Variants in GRM5 observed in about 807,000 individuals in gnomAD.
GRM5 encodes the protein glutamate metabotropic receptor 5.
A neutral mutation model predicts 83.1 loss-of-function variants in GRM5; 19 were observed. That is an observed-to-expected ratio of 0.23 (90% CI 0.16 to 0.34). GRM5 has a LOEUF of 0.34. GRM5 is among the 10% of genes least tolerant of loss of function. The pLI, the probability that GRM5 is intolerant of heterozygous loss-of-function variation, is 1.00. For missense variants in GRM5, 1,160 were observed against 1,588.3 expected, an observed-to-expected ratio of 0.73 and a Z score of 4.58; for synonymous variants, 675 against 633.6, an observed-to-expected ratio of 1.07 and a Z score of -0.98.
chr11:88,643,149 G>A (rs1591404661), intron 4 of GRM5, among the ~76,000 whole-genome samples: 3 of 152,216 alleles, frequency 2.0e-5, no homozygotes, highest in Admixed American at 2.0e-4. Context: ...CATAGCGCTG[G>A]CACCTGCTGC....
intron 3 of GRM5, among the ~76,000 whole-genome samples, chr11:88,830,563 G>C (rs1943971258): frequency 6.6e-6 from 1 of 152,320 alleles, no homozygotes; most frequent in East Asian, 1.9e-4. Context: ...AGCCAGGAGA[G>C]ACTTCCCAAT....
In GRM5 at chr11:88,815,093, T is replaced by C. The variant is rs922468867; in HGVS notation, c.911+34813A>G. ...CTCAACAAGGGCTAACTGAAATTTATAGAATATTCCACCAAACAATGGCAG... is the reference window on the plus strand; with the variant it reads ...CTCAACAAGGGCTAACTGAAATTTACAGAATATTCCACCAAACAATGGCAG... On this transcript the variant is annotated intron_variant, in intron 3 of 9. Coordinates refer to ENST00000305447, the MANE Select transcript of GRM5 (RefSeq NM_001143831.3). Among the ~76,000 whole-genome samples the C allele has an allele frequency of 6.6e-5, 10 of 152,320 alleles. No homozygotes were observed. In the East Asian group the frequency reaches 1.9e-3, roughly 29 times the overall value.
Position 89,047,965 on chromosome 11 carries a change from G to A in GRM5, c.-93C>T. On this transcript the variant is annotated 5_prime_UTR_variant, in exon 2 of 10. Coordinates refer to ENST00000305447, the MANE Select transcript of GRM5 (RefSeq NM_001143831.3). This position sits in a 1 kb window ranked among gnomAD's most constrained non-coding sequence, Gnocchi z 5.1. The stretch of plus-strand genomic sequence containing the variant: ...ACGAACAAGCGATGTCCTACGTTGA[G>A]TCGCAAATCAAGAAATTAGCCAGCA... The A allele has an allele frequency of 1.2e-5, 11 of 890,100 alleles. No homozygotes were observed. The highest frequency in any genetic ancestry group is 4.5e-4 in the Middle Eastern group (2 of 4,420). 55.1% of individuals were successfully genotyped at this position (890,100 alleles called of 1,614,324 possible).
intron 3 of GRM5, among the ~76,000 whole-genome samples, chr11:88,783,694 A>G (rs1215600402): frequency 6.6e-6 from 1 of 152,096 alleles, no homozygotes; most frequent in Non-Finnish European, 1.5e-5. Context: ...ATGCTAGAAC[A>G]TCCATGTGAC....
intron 2 of GRM5, among the ~76,000 whole-genome samples, chr11:88,948,400 G>T (rs377379152): frequency 2.0e-5 from 3 of 152,192 alleles, no homozygotes; most frequent in African/African-American, 7.2e-5. Flanking sequence ...AGGATGGCAT[G>T]CTGCTTTCAG....
intron 2 of GRM5, among the ~76,000 whole-genome samples, chr11:88,955,249 A>G (rs1338515538): frequency 6.6e-6 from 1 of 152,248 alleles, no homozygotes; most frequent in Non-Finnish European, 1.5e-5. Flanking sequence ...ATTCTTTTCA[A>G]TCTACTACAT....
At chr11:89,011,213 TA>T (rs1940688359) in intron 2 of GRM5, among the ~76,000 whole-genome samples, 1 of 152,218 alleles carries the variant, frequency 6.6e-6, no homozygotes, top group African/African-American at 2.4e-5. Flanking sequence ...TTTTTTCTTT[TA>T]AAACTTCTGT....
chr11:88,608,285 C>T (rs894325306), intron 4 of GRM5, among the ~76,000 whole-genome samples: 5 of 152,102 alleles, frequency 3.3e-5, no homozygotes, highest in Admixed American at 2.6e-4. Context: ...GGGCATGTTT[C>T]CTTCCCAATT....
intron 5 of GRM5, among the ~76,000 whole-genome samples, chr11:88,598,651 A>C (rs1937888579): frequency 6.6e-6 from 1 of 152,190 alleles, no homozygotes; most frequent in Non-Finnish European, 1.5e-5. Flanking sequence ...TAGAGCACAG[A>C]GCACTGAGGT....
intron 2 of GRM5, among the ~76,000 whole-genome samples, chr11:88,988,440 G>C (rs1328699322): frequency 2.6e-5 from 4 of 152,004 alleles, no homozygotes; most frequent in Admixed American, 6.6e-5. Context: ...CACTCTGCAG[G>C]ATATTATCCA....
chr11:89,033,595 T>A (rs1306841554), intron 2 of GRM5, among the ~76,000 whole-genome samples: 2 of 151,978 alleles, frequency 1.3e-5, no homozygotes, highest in Admixed American at 1.3e-4. Context: ...TGTTATACTC[T>A]CTTCAGCCTC....
At chr11:88,633,597 C>A (rs1204215302) in intron 4 of GRM5, among the ~76,000 whole-genome samples, 1 of 152,152 alleles carries the variant, frequency 6.6e-6, no homozygotes, top group Non-Finnish European at 1.5e-5. Flanking sequence ...CTCTTGGGCT[C>A]AAGCAATCCT....
intron 2 of GRM5, among the ~76,000 whole-genome samples, chr11:88,910,842 C>T (rs1366740006): frequency 5.9e-4 from 9 of 15,228 alleles, no homozygotes; most frequent in East Asian, 4.4e-3. Context: ...CAATGTAGAA[C>T]GTATTTTTTT....
chr11:88,876,066 C>T (rs936813299), intron 2 of GRM5, among the ~76,000 whole-genome samples: 2 of 152,070 alleles, frequency 1.3e-5, no homozygotes, highest in Admixed American at 1.3e-4. Flanking sequence ...CTCACCTCTC[C>T]TCTCTAGGAT....
intron 3 of GRM5, among the ~76,000 whole-genome samples, chr11:88,832,961 A>G (rs1436971661): frequency 2.0e-5 from 3 of 151,936 alleles, no homozygotes; most frequent in South Asian, 2.1e-4. Flanking sequence ...ATATAAAAAC[A>G]TCTTAAATGG....
intron 3 of GRM5, among the ~76,000 whole-genome samples, chr11:88,805,794 A>G (rs1014454484): frequency 5.9e-5 from 9 of 152,170 alleles, no homozygotes; most frequent in Non-Finnish European, 1.3e-4. Flanking sequence ...GGAACCCATC[A>G]ATCTCATGAA....
At chr11:88,518,301 C>A (rs1186429569) in intron 9 of GRM5, among the ~76,000 whole-genome samples, 1 of 151,722 alleles carries the variant, frequency 6.6e-6, no homozygotes, top group Non-Finnish European at 1.5e-5. Flanking sequence ...TTCCAGTCAC[C>A]AAACATTAGT....
chr11:88,512,047 C>CTT (rs1438460210), intron 9 of GRM5: 2 of 152,074 alleles, frequency 1.3e-5, no homozygotes, highest in African/African-American at 4.8e-5. Flanking sequence ...CTCTCTCTCT[C>CTT]TCTCGAATGC....
chr11:88,538,133 C>T (rs950803242), intron 8 of GRM5, among the ~76,000 whole-genome samples: 2 of 149,996 alleles, frequency 1.3e-5, no homozygotes, highest in South Asian at 2.1e-4. Flanking sequence ...AAGAACAAAC[C>T]AACCACGGGA....
Sources: allele counts gnomAD v4.1 joint callset (sites outside exome capture counted in the v4.1 genomes callset), GRCh38; gene constraint gnomAD v4.1.1; non-coding constraint Gnocchi (gnomAD v3.1); transcripts MANE v1.5; gene names NCBI Gene and HGNC (gene_info 2026-07-23, HGNC 2026-07-21).